TPO: variants seen among roughly 807,000 people sequenced by gnomAD.
The protein encoded by TPO is thyroid peroxidase.
TPO carries 78 observed loss-of-function variants against 96.9 expected under a neutral mutation model. The ratio of observed to expected loss-of-function variants is 0.81; its 90% confidence interval spans 0.67 to 0.97. The LOEUF is 0.97. Among genes scored for constraint, TPO ranks in the 50% least tolerant of loss-of-function variants. The pLI, the probability that TPO is intolerant of heterozygous loss-of-function variation, is 0.00. For synonymous variants in TPO, 547 were observed against 538.0 expected, an observed-to-expected ratio of 1.02 and a Z score of -0.23; for missense variants, 1,252 against 1,274.8, an observed-to-expected ratio of 0.98 and a Z score of 0.27.
chr2:1,406,484 A>T (rs1662252533), intron 1 of TPO, among the ~76,000 whole-genome samples: 2 of 152,216 alleles, frequency 1.3e-5, no homozygotes, highest in Non-Finnish European at 2.9e-5. Flanking sequence ...GCTTCCAGAC[A>T]TGGTCTGGCT....
At chr2:1,378,688 C>T (rs909193854) in intron 1 of TPO, among the ~76,000 whole-genome samples, 4 of 152,214 alleles carry the variant, frequency 2.6e-5, no homozygotes, top group East Asian at 1.9e-4. Flanking sequence ...CCATGTGGCC[C>T]GTGCTGGTGT....
Position 1,456,305 on chromosome 2 carries a change from A to T in TPO, c.819+23A>T, listed in dbSNP as rs369854535. 15 of 1,611,246 alleles carry T rather than the reference A, an allele frequency of 9.3e-6. No individual in the cohort carries two copies. In the African/African-American group the frequency reaches 1.7e-4, roughly 19 times the overall value. Reference sequence around the variant, plus strand: ...CAAGTAAGTTTTAGAAAACGTTTCTATGTTTGTTATGAAACTAAGTGCTAT... The same window carrying T: ...CAAGTAAGTTTTAGAAAACGTTTCTTTGTTTGTTATGAAACTAAGTGCTAT... On this transcript the variant is annotated intron_variant, in intron 7 of 16. Transcript: ENST00000329066.
At chr2:1,375,841 A>C (rs536117821) in intron 1 of TPO, among the ~76,000 whole-genome samples, 1 of 152,128 alleles carries the variant, frequency 6.6e-6, no homozygotes, top group Admixed American at 6.5e-5. Context: ...CCACCTCCTC[A>C]CTGCGAATCT....
chr2:1,505,158 C>T (rs1673273443), intron 14 of TPO, among the ~76,000 whole-genome samples: 1 of 152,192 alleles, frequency 6.6e-6, no homozygotes. Context: ...CCGGGGCCTT[C>T]AGAGGCTGGG....
At chr2:1,484,440 G>C (rs1670930339) in intron 8 of TPO, among the ~76,000 whole-genome samples, 156 bp from the exon 9 acceptor site, 1 of 152,182 alleles carries the variant, frequency 6.6e-6, no homozygotes, top group Admixed American at 6.5e-5. Context: ...TCAGCAAGAA[G>C]GCATTTCTGG....
Position 1,526,690 on chromosome 2 carries a change from C to CG in TPO, c.2618+9708_2618+9709insG, listed in dbSNP as rs1676588826. ...AAACTGTGTTCATCCTCCCCAAATC[C>CG]CCCCCCCACTGTATGCAACCTCCCC... On this transcript the variant is annotated intron_variant, in intron 15 of 16. Transcript: ENST00000329066. Among the ~76,000 whole-genome samples the CG allele has an allele frequency of 8.2e-5, 6 of 73,568 alleles. No individual in the cohort carries two copies. The South Asian group carries it at 2.4e-3, about 30-fold the overall frequency. 48.3% of individuals were successfully genotyped at this position (73,568 alleles called of 152,430 possible).
chr2:1,412,020 C>A (rs775914772), upstream of TPO, among the ~76,000 whole-genome samples: 2 of 152,230 alleles, frequency 1.3e-5, no homozygotes, highest in Non-Finnish European at 2.9e-5. Flanking sequence ...CCCATTCACT[C>A]ACAGTCCACT....
In TPO at chr2:1,540,521, G is replaced by A. The variant is rs555399930; in HGVS notation, c.2619-73G>A. On this transcript the variant is annotated intron_variant, in intron 15 of 16. Transcript: ENST00000329066. ...AAGCACGGCTGCCTTGCCGTCGCTCGTGCCGTGCTCTCTACCCTCCACAGT... is the reference window on the plus strand; with the variant it reads ...AAGCACGGCTGCCTTGCCGTCGCTCATGCCGTGCTCTCTACCCTCCACAGT... 12 of 1,602,926 alleles carry A rather than the reference G, an allele frequency of 7.5e-6. No homozygotes were observed. The Admixed American group carries it at 8.3e-5, about 11-fold the overall frequency.
chr2:1,423,259 T>G (rs1663972736), intron 3 of TPO, 130 bp downstream of exon 3: 1 of 799,286 alleles, frequency 1.3e-6, no homozygotes, highest in Admixed American at 2.0e-5. Flanking sequence ...TTAATTTACT[T>G]CCCCAGTGTC....
At chr2:1,442,542 T>C (rs1464344614) in intron 5 of TPO, among the ~76,000 whole-genome samples, 1 of 152,240 alleles carries the variant, frequency 6.6e-6, no homozygotes, top group African/African-American at 2.4e-5. Flanking sequence ...AGATACTTCA[T>C]ATAGAATTTG....
chr2:1,462,418 C>T (rs1268602537), intron 7 of TPO, among the ~76,000 whole-genome samples: 1 of 151,954 alleles, frequency 6.6e-6, no homozygotes, highest in Non-Finnish European at 1.5e-5. Context: ...CTATAAAGAG[C>T]TCTTATAAAG....
Position 1,540,679 on chromosome 2 carries a change from G to C in TPO, c.2704G>C (p.Val902Leu), listed in dbSNP as rs368181428. ...PELRCGKHQAVGTSPQRAAAQ... is the reference protein window; with the variant it reads ...PELRCGKHQALGTSPQRAAAQ... ...GCTGAGATGCGGAAAGCACCAGGCCGTAGGGACCTCACCGCAGCGGGCCGC... is the reference window on the plus strand; with the variant it reads ...GCTGAGATGCGGAAAGCACCAGGCCCTAGGGACCTCACCGCAGCGGGCCGC... Residue 902 changes from valine (V) to leucine (L), a missense_variant, in exon 16 of 17, where the codon GTA becomes CTA. Coordinates refer to ENST00000329066, the MANE Select transcript of TPO (RefSeq NM_001206744.2). 1 of 1,613,290 alleles carries C rather than the reference G, an allele frequency of 6.2e-7. No individual in the cohort carries two copies.
At chr2:1,528,648 CTCACCACATCCA>C (rs1258850582) in intron 15 of TPO, among the ~76,000 whole-genome samples, 3 of 141,794 alleles carry the variant, frequency 2.1e-5, no homozygotes, top group Non-Finnish European at 3.1e-5. Flanking sequence ...TGTGTGCAAC[CTCACCACATCCA>C]CCACTGTGTG....
At chr2:1,490,375 CACACA>C (rs1671653800) in intron 10 of TPO, among the ~76,000 whole-genome samples, 1 of 40,266 alleles carries the variant, frequency 2.5e-5, no homozygotes, top group African/African-American at 1.2e-4. Flanking sequence ...ACGTGGGTCC[CACACA>C]GGGGGAGTCA....
intron 1 of TPO, among the ~76,000 whole-genome samples, chr2:1,375,230 G>A (rs904698342): frequency 5.3e-5 from 8 of 150,412 alleles, no homozygotes; most frequent in Admixed American, 3.3e-4. Flanking sequence ...AGATGGGCTC[G>A]ACTCAGACCT....
intron 1 of TPO, among the ~76,000 whole-genome samples, chr2:1,392,924 G>T (rs568277906): frequency 6.6e-6 from 1 of 152,238 alleles, no homozygotes; most frequent in East Asian, 1.9e-4. Context: ...GGATGAAAAT[G>T]AAATATGTGT....
At chr2:1,453,204 C>G (rs1667467467) in intron 5 of TPO, among the ~76,000 whole-genome samples, 1 of 152,218 alleles carries the variant, frequency 6.6e-6, no homozygotes, top group Non-Finnish European at 1.5e-5. Flanking sequence ...AAACCAGCAA[C>G]TTCCTCAGTT....
chr2:1,537,713 C>T lies in TPO; in HGVS notation c.2619-2881C>T, dbSNP rs560329925. Reference sequence around the variant, plus strand: ...AACCTCCTCAAATCCCAACTGTGAGCGACCTCCCCAAATCCCCCAACTGTC... The same window carrying T: ...AACCTCCTCAAATCCCAACTGTGAGTGACCTCCCCAAATCCCCCAACTGTC... On this transcript the variant is annotated intron_variant, in intron 15 of 16. Transcript: ENST00000329066. 6.2e-5 allele frequency among the ~76,000 whole-genome samples: 7 copies of T among 113,246 alleles called. No individual in the cohort carries two copies. The East Asian group carries it at 1.9e-3, about 30-fold the overall frequency. 74.3% of individuals were successfully genotyped at this position (113,246 alleles called of 152,430 possible).
At position 1,484,848 on chromosome 2, in the gene TPO, C is replaced by T. The variant is rs199537951; in HGVS notation, c.1591C>T (p.Arg531Cys). 2.0e-5 allele frequency: 32 copies of T among 1,613,696 alleles called. No homozygotes were observed. The highest frequency in any genetic ancestry group is 1.7e-4 in the African/African-American group (13 of 74,932). Residue 531 changes from arginine (R) to cysteine (C), a missense_variant, in exon 9 of 17, where the codon CGT (arginine) becomes TGT (cysteine). By Grantham distance (180) the Arg-to-Cys change is radical. Coordinates refer to ENST00000329066, the MANE Select transcript of TPO (RefSeq NM_001206744.2). ...QAFFSPWTLL[R>C]GGGLDPLIRG... ...TTTCTTCAGCCCATGGACATTACTCCGTGGAGGTGAGTGAGTGCGGTCCCT... is the reference window on the plus strand; with the variant it reads ...TTTCTTCAGCCCATGGACATTACTCTGTGGAGGTGAGTGAGTGCGGTCCCT...
Sources: allele counts gnomAD v4.1 joint callset (sites outside exome capture counted in the v4.1 genomes callset), GRCh38; gene constraint gnomAD v4.1.1; transcripts MANE v1.5; gene names NCBI Gene and HGNC (gene_info 2026-07-23, HGNC 2026-07-21).